Variants in SYNPO2 observed in about 807,000 individuals in gnomAD.
The protein encoded by SYNPO2 is synaptopodin 2, also known as synaptopodin-2.
In SYNPO2, 56 loss-of-function variants were observed where a neutral mutation model predicts 85.0. The observed-to-expected ratio is 0.66, with a 90% CI of 0.53 to 0.82. The LOEUF (loss-of-function observed/expected upper bound fraction) is 0.82, where lower values mean the gene tolerates loss of function less well. Ranked by LOEUF, SYNPO2 falls within the 40% of genes least tolerant of loss-of-function variation. The pLI, the probability that SYNPO2 is intolerant of heterozygous loss-of-function variation, is 0.00. For missense variants in SYNPO2, 1,575 were observed against 1,534.2 expected, an observed-to-expected ratio of 1.03 and a Z score of -0.44; for synonymous variants, 602 against 591.1, an observed-to-expected ratio of 1.02 and a Z score of -0.27.
chr4:118,918,194 A>T (rs1733417307), intron 1 of SYNPO2, among the ~76,000 whole-genome samples: 1 of 152,206 alleles, frequency 6.6e-6, no homozygotes, highest in African/African-American at 2.4e-5. Flanking sequence ...TCCATTTTTT[A>T]AACAATGTTT....
intron 1 of SYNPO2, among the ~76,000 whole-genome samples, chr4:119,010,064 C>G (rs1737232547): frequency 6.6e-6 from 1 of 152,106 alleles, no homozygotes; most frequent in Admixed American, 6.6e-5. Context: ...TCTGAGTACT[C>G]TATTAGATAC....
intron 1 of SYNPO2, among the ~76,000 whole-genome samples, chr4:118,963,512 T>A (rs76679240): frequency 0.012 from 1,806 of 152,294 alleles, 28 homozygotes; most frequent in African/African-American, 0.041. Context: ...CATCTTTAAC[T>A]TTTTTTAGAA....
At chr4:118,929,783 GTT>G (rs1220670427) in intron 1 of SYNPO2, among the ~76,000 whole-genome samples, 2 of 152,164 alleles carry the variant, frequency 1.3e-5, no homozygotes, top group East Asian at 3.9e-4. Context: ...GATTGGTCTG[GTT>G]TAAGTCAAAT....
chr4:118,922,613 C>T (rs1362109012), intron 1 of SYNPO2, among the ~76,000 whole-genome samples: 1 of 151,656 alleles, frequency 6.6e-6, no homozygotes, highest in Admixed American at 6.6e-5. Context: ...CTACTGGAAC[C>T]TACATGTTTA....
At chr4:118,993,044 G>A (rs138411873) in intron 1 of SYNPO2, among the ~76,000 whole-genome samples, 1 of 152,158 alleles carries the variant, frequency 6.6e-6, no homozygotes, top group Non-Finnish European at 1.5e-5. Flanking sequence ...AAGCAGAGTC[G>A]ATCTGCAAGA....
intron 1 of SYNPO2, among the ~76,000 whole-genome samples, chr4:118,865,275 C>T (rs1192251234): frequency 6.6e-6 from 1 of 152,216 alleles, no homozygotes; most frequent in Non-Finnish European, 1.5e-5. Flanking sequence ...AGTCTCCTCT[C>T]TCTGTTCTGG....
intron 1 of SYNPO2, among the ~76,000 whole-genome samples, chr4:118,908,522 A>C (rs944646202): frequency 6.6e-6 from 1 of 152,216 alleles, no homozygotes; most frequent in Admixed American, 6.5e-5. Flanking sequence ...AGGATAAAAA[A>C]CATTCGTAAG....
intron 4 of SYNPO2, chr4:119,036,716 G>A: frequency 3.0e-6 from 3 of 986,100 alleles, no homozygotes; most frequent in South Asian, 4.7e-5. Flanking sequence ...TCTTGATGTC[G>A]TCAGATGCAG....
intron 4 of SYNPO2, chr4:119,034,146 A>G: frequency 1.0e-6 from 1 of 985,464 alleles, no homozygotes; most frequent in Non-Finnish European, 1.2e-6. Flanking sequence ...AATCTGTTGA[A>G]TGCTTGCATT....
chr4:119,000,198 G>A (rs1032066830), intron 1 of SYNPO2, among the ~76,000 whole-genome samples: 7 of 152,090 alleles, frequency 4.6e-5, no homozygotes, highest in South Asian at 4.1e-4. Context: ...AAGGTTTGGC[G>A]ACTTAATGAG....
At chr4:118,942,273 A>G (rs1458086086) in intron 1 of SYNPO2, among the ~76,000 whole-genome samples, 1 of 152,168 alleles carries the variant, frequency 6.6e-6, no homozygotes, top group Non-Finnish European at 1.5e-5. Context: ...GTATCTCACT[A>G]TATTGTAACA....
chr4:118,890,733 C>CTCTCTCTCTCTGTGTG (rs749295331), intron 1 of SYNPO2, among the ~76,000 whole-genome samples: 206 of 126,204 alleles, frequency 1.6e-3, no homozygotes, highest in Middle Eastern at 4.1e-3. Flanking sequence ...CTCTCTCTCT[C>CTCTCTCTCTCTGTGTG]TGTGTGTGTG....
Position 119,026,752 on chromosome 4 carries a change from G to A in SYNPO2, c.383G>A (p.Cys128Tyr). The A allele has an allele frequency of 6.2e-7, 1 of 1,614,206 alleles. No individual in the cohort carries two copies. The highest frequency in any genetic ancestry group is 1.1e-5 in the South Asian group (1 of 91,086). The change falls in exon 3 of 5, where the codon TGC (cysteine) becomes TAC (tyrosine). Residue 128 changes from cysteine to tyrosine, a missense_variant. Cys to Tyr is a radical substitution (Grantham distance 194). Around this residue, in one of 3 missense-constraint regions of SYNPO2, gnomAD observed 1,508 missense variants for 1,446.8 expected, o/e 1.04. Transcript: ENST00000307142. ...ATTCGACCGGCCACAAAGACCCAGTGCACAGAATTCTTCCTCGCCCCTGTC... is the reference window on the plus strand; with the variant it reads ...ATTCGACCGGCCACAAAGACCCAGTACACAGAATTCTTCCTCGCCCCTGTC... Reference protein sequence around the residue: ...LQIRPATKTQCTEFFLAPVKT... With the variant: ...LQIRPATKTQYTEFFLAPVKT...
At chr4:118,875,287 A>G (rs549988997) in intron 1 of SYNPO2, among the ~76,000 whole-genome samples, 2 of 152,280 alleles carry the variant, frequency 1.3e-5, no homozygotes, top group Non-Finnish European at 2.9e-5. Flanking sequence ...GAATAACAGT[A>G]TTTTTATTAA....
intron 1 of SYNPO2, among the ~76,000 whole-genome samples, chr4:118,963,329 C>G (rs1452831389): frequency 2.0e-5 from 3 of 152,160 alleles, no homozygotes; most frequent in Non-Finnish European, 4.4e-5. Context: ...TTTAATAGCA[C>G]ATTCATACAG....
At position 119,058,623 on chromosome 4, in the gene SYNPO2, A is replaced by C. The variant is rs9992690; in HGVS notation, c.*689A>C. On this transcript the variant is annotated 3_prime_UTR_variant, in exon 5 of 5. Coordinates refer to ENST00000307142, the MANE Select transcript of SYNPO2 (RefSeq NM_133477.3). Reference sequence around the variant, plus strand: ...CTGAGTAGCTGGGATTACAGGCATGAACCACCACACCTGGATAATTTTTGT... The same window carrying C: ...CTGAGTAGCTGGGATTACAGGCATGCACCACCACACCTGGATAATTTTTGT... The C allele has an allele frequency of 0.2, 30,085 of 151,548 alleles. 3,907 individuals are homozygous for C. Among genetic ancestry groups the C allele is most frequent in the African/African-American group, 0.37 (15,094 of 41,206 alleles). The allele number at this position is 151,548 out of a possible 1,614,324, so 9.4% of individuals were successfully genotyped here.
intron 1 of SYNPO2, among the ~76,000 whole-genome samples, chr4:118,953,400 G>A (rs1299412595): frequency 1.3e-5 from 2 of 152,206 alleles, no homozygotes; most frequent in African/African-American, 4.8e-5. Context: ...GAGCAGGGCA[G>A]TGATGACTTA....
chr4:118,994,657 T>A (rs1477936536), intron 1 of SYNPO2, among the ~76,000 whole-genome samples: 1 of 152,210 alleles, frequency 6.6e-6, no homozygotes, highest in Admixed American at 6.5e-5. Context: ...GGCAAAGTTT[T>A]GGTAAAATGC....
rs962176932 is a variant in SYNPO2, at chr4:119,032,029, T to C, written c.3252+2T>C. On this transcript the variant is annotated splice_donor_variant, in intron 4 of 4. Coordinates refer to ENST00000307142, the MANE Select transcript of SYNPO2 (RefSeq NM_133477.3). LOFTEE classifies it high-confidence loss of function. ...AAGAAAAGTGGTGTCACAATTCAGG[T>C]GTGGAAACCATCTGTTGTGGAAGAG... is the stretch of plus-strand genomic sequence containing the variant. The C allele has an allele frequency of 1.9e-6, 3 of 1,613,894 alleles. No individual in the cohort carries two copies. The highest frequency in any genetic ancestry group is 1.7e-6 in the Non-Finnish European group (2 of 1,179,908).
Sources: allele counts gnomAD v4.1 joint callset (sites outside exome capture counted in the v4.1 genomes callset), GRCh38; gene constraint gnomAD v4.1.1; regional missense constraint gnomAD v4.1.1; transcripts MANE v1.5; gene names NCBI Gene and HGNC (gene_info 2026-07-23, HGNC 2026-07-21).